Variants in UNC13D observed in about 807,000 individuals in gnomAD.
UNC13D encodes the protein protein unc-13 homolog D.
UNC13D carries 115 observed loss-of-function variants against 151.7 expected under a neutral mutation model. The ratio of observed to expected loss-of-function variants is 0.76; its 90% CI spans 0.65 to 0.88. UNC13D has a LOEUF of 0.88. Ranked by LOEUF, UNC13D falls within the 40% of genes least tolerant of loss-of-function variation. The probability of loss-of-function intolerance (pLI) is 0.00; values close to 1 mark genes in which losing one functional copy is unlikely to be tolerated. For synonymous variants in UNC13D, 588 were observed against 612.2 expected (o/e 0.96, Z 0.58); for missense variants, 1,369 against 1,438.7 (o/e 0.95, Z 0.78).
At position 75,837,658 on chromosome 17, in the gene UNC13D, A is replaced by G. The variant is rs193065105; in HGVS notation, c.1056-740T>C. ...AGTCCCAGCTACTTGGGAGGCTGAG[A>G]CAAGAGAATCACTTGAACCTGGGAG... On this transcript the variant is annotated intron_variant, in intron 12 of 31. Transcript: ENST00000207549. Among the ~76,000 whole-genome samples, 26 of 151,432 alleles carry G rather than the reference A, an allele frequency of 1.7e-4. No homozygotes were observed. In the East Asian group the frequency reaches 2.4e-3, roughly 14 times the overall value.
At chr17:75,836,727 A>C (rs201038617) in intron 13 of UNC13D, 31 bp from the exon 14 acceptor site, 1 of 1,613,464 alleles carries the variant, frequency 6.2e-7, no homozygotes, top group Non-Finnish European at 8.5e-7. Flanking sequence ...TTAGGGGCCT[A>C]GACAGCTGCT....
rs1599409632 is a variant in UNC13D, at chr17:75,836,897, G to A, written c.1077C>T (p.Arg359=). 9 of 1,613,060 alleles carry A rather than the reference G, an allele frequency of 5.6e-6. No individual in the cohort carries two copies. Among genetic ancestry groups the A allele is most frequent in the Non-Finnish European group, 6.8e-6 (8 of 1,180,020 alleles). ...QSMAQWLAYS[R]LYQSLEFPSS... is the part of the protein sequence containing the mutation. ...TGGGGAACTCCAGGCTCTGGTAGAG[G>A]CGGCTGTAGGCCAGCCACTGCCTGC... Residue 359 remains arginine, a synonymous_variant, in exon 13 of 32, where the codon CGC becomes CGT. Transcript: ENST00000207549.
intron 27 of UNC13D, 118 bp downstream of exon 27, chr17:75,830,980 C>T: frequency 4.1e-6 from 5 of 1,230,758 alleles, no homozygotes; most frequent in Admixed American, 2.4e-5. Context: ...GAATAAGGGG[C>T]CCAGTTTTTC....
At position 75,840,091 on chromosome 17, in the gene UNC13D, C is replaced by T. The variant is rs753758946; in HGVS notation, c.878G>A (p.Arg293His). 19 of 1,612,906 alleles carry T rather than the reference C, an allele frequency of 1.2e-5. No homozygotes were observed. Among genetic ancestry groups the T allele is most frequent in the East Asian group, 2.2e-5 (1 of 44,846 alleles). The change falls in exon 11 of 32, where the codon CGC becomes CAC. Residue 293 changes from arginine (R) to histidine (H), a missense_variant. Arg to His is a conservative substitution (Grantham distance 29). This residue lies in a region of UNC13D where 550 missense variants were observed against 609.0 expected (regional missense o/e 0.90). Coordinates refer to ENST00000207549, the MANE Select transcript of UNC13D (RefSeq NM_199242.3). The surrounding 1 kb of genome is among the most constrained non-coding windows in gnomAD (Gnocchi z 4.6). ...IHKRRATSASRSQPSYTVHLH... is the reference protein window; with the variant it reads ...IHKRRATSASHSQPSYTVHLH... ...GTGCACGGTGTAGCTCGGCTGCGAG[C>T]GGCTGGCCGAAGTGGCTCTCTGCAA...
chr17:75,843,419 C>T lies in UNC13D; in HGVS notation c.153+65G>A, dbSNP rs912043527. Reference sequence around the variant, plus strand: ...GCAAGTTGCTTGCTGCCATCAGCGTCGGCCGGCAGGAGGACACACAGCCGC... The same window carrying T: ...GCAAGTTGCTTGCTGCCATCAGCGTTGGCCGGCAGGAGGACACACAGCCGC... On this transcript the variant is annotated intron_variant, in intron 2 of 31. Transcript: ENST00000207549. 9 of 1,578,728 alleles carry T rather than the reference C, an allele frequency of 5.7e-6. No individual in the cohort carries two copies. The South Asian group carries it at 8.0e-5, about 14-fold the overall frequency.
chr17:75,843,136 G>A lies in UNC13D; in HGVS notation c.261+23C>T, dbSNP rs772698740. 13 of 1,609,626 alleles carry A rather than the reference G, an allele frequency of 8.1e-6. No homozygotes were observed. The East Asian group carries it at 2.0e-4, about 25-fold the overall frequency. Reference sequence around the variant, plus strand: ...CAGACAGGGCAGCTGCAGGAAGGGGGGTGGGGTGGGAGCCGGGCTCACCTC... The same window carrying A: ...CAGACAGGGCAGCTGCAGGAAGGGGAGTGGGGTGGGAGCCGGGCTCACCTC... On this transcript the variant is annotated intron_variant, in intron 3 of 31. Coordinates refer to ENST00000207549, the MANE Select transcript of UNC13D (RefSeq NM_199242.3).
chr17:75,843,424 G>A (rs556104118), intron 2 of UNC13D, 60 bp downstream of exon 2: 22 of 1,580,474 alleles, frequency 1.4e-5, no homozygotes, highest in Admixed American at 3.7e-5. Flanking sequence ...AGCGTCGGCC[G>A]GCAGGAGGAC....
At chr17:75,830,913 G>A (rs1011481894) in intron 27 of UNC13D, among the ~76,000 whole-genome samples, 185 bp downstream of exon 27, 1 of 152,204 alleles carries the variant, frequency 6.6e-6, no homozygotes, top group Non-Finnish European at 1.5e-5. Flanking sequence ...TGCTTAGGAG[G>A]ACCCAGGCTT....
In UNC13D at chr17:75,840,616, G is replaced by T; in HGVS notation, c.684-40C>A. The T allele has an allele frequency of 6.2e-7, 1 of 1,613,638 alleles. No homozygotes were observed. Reference sequence around the variant, plus strand: ...GTCCCATAAGGGGGACGCAGCAAGGGTCGGAAGGGATTAGGCTGGAATCCA... The same window carrying T: ...GTCCCATAAGGGGGACGCAGCAAGGTTCGGAAGGGATTAGGCTGGAATCCA... On this transcript the variant is annotated intron_variant, in intron 8 of 31. Coordinates refer to ENST00000207549, the MANE Select transcript of UNC13D (RefSeq NM_199242.3). The surrounding 1 kb of genome is among the most constrained non-coding windows in gnomAD (Gnocchi z 4.6).
chr17:75,843,133 G>T (rs3744008), intron 3 of UNC13D, 26 bp downstream of exon 3: 37 of 1,610,126 alleles, frequency 2.3e-5, no homozygotes, highest in East Asian at 8.9e-5. Flanking sequence ...CTGCAGGAAG[G>T]GGGGTGGGGT....
rs778475332 is a variant in UNC13D at position 75,836,969 on chromosome 17, C to T, written c.1056-51G>A. On this transcript the variant is annotated intron_variant, in intron 12 of 31. Coordinates refer to ENST00000207549, the MANE Select transcript of UNC13D (RefSeq NM_199242.3). ...TGGACAGGGAGGAGGAAATTGCCTT[C>T]CCCTGTTCACCCGGCCTCAGGTGGG... 7 of 1,415,894 alleles carry T rather than the reference C, an allele frequency of 4.9e-6. No homozygotes were observed. The South Asian group carries it at 7.0e-5, about 14-fold the overall frequency. The allele number at this position is 1,415,894 out of a possible 1,614,324, so 87.7% of individuals were successfully genotyped here.
rs149195431 is a variant in UNC13D at position 75,844,291 on chromosome 17, C to T, written c.47G>A (p.Arg16His). The T allele has an allele frequency of 1.4e-5, 22 of 1,612,656 alleles. No homozygotes were observed. The highest frequency in any genetic ancestry group is 8.0e-5 in the African/African-American group (6 of 74,924). The change falls in exon 1 of 32, where the codon CGC (arginine) becomes CAC (histidine). Residue 16 changes from arginine to histidine, a missense_variant. Physicochemically the swap from Arg to His is conservative, Grantham distance 29. Transcript: ENST00000207549. The stretch of plus-strand genomic sequence containing the variant: ...GCGGCGCCTTATCTTGATGGCCTGG[C>T]GCAAGAAGGGAGGGCGCTGCTGCGG... Reference protein sequence around the residue: ...SHPQQRPPFLRQAIKIRRRRV... With the variant: ...SHPQQRPPFLHQAIKIRRRRV...
chr17:75,828,494 G>A (rs967443822), intron 31 of UNC13D, among the ~76,000 whole-genome samples: 1 of 152,246 alleles, frequency 6.6e-6, no homozygotes, highest in Non-Finnish European at 1.5e-5. Flanking sequence ...ACAAGCATCA[G>A]ACCGTTGCTG....
At chr17:75,842,686 G>T in intron 5 of UNC13D, 73 bp from the exon 6 acceptor site, 1 of 1,605,050 alleles carries the variant, frequency 6.2e-7, no homozygotes, top group Admixed American at 1.7e-5. Flanking sequence ...CATCACCCCC[G>T]CCCGGGGCTG....
rs1239299089 is a variant in UNC13D at position 75,832,594 on chromosome 17, G to C, written c.2447+372C>G. 3 of 193,978 alleles carry C rather than the reference G, an allele frequency of 1.5e-5. No individual in the cohort carries two copies. Among genetic ancestry groups the C allele is most frequent in the Admixed American group, 1.1e-4 (2 of 18,854 alleles). 12.0% of individuals were successfully genotyped at this position (193,978 alleles called of 1,614,324 possible). A position where few individuals can be genotyped will look rare whatever the true frequency, so the allele number is the denominator to read the frequency against. On this transcript the variant is annotated intron_variant, in intron 25 of 31. Transcript: ENST00000207549. The surrounding 1 kb of genome is among the most constrained non-coding windows in gnomAD (Gnocchi z 4.3). ...GAGGAGCAGGCAGGGAGGCCCTGAA[G>C]ACAGGCCTGGGACTAAAGGAGAAAG...
Position 75,843,246 on chromosome 17 carries a change from G to A in UNC13D, c.174C>T (p.Asp58=), listed in dbSNP as rs376869845. ...GGCGGTGCAAGACAGTGTAGAGTGC[G>A]TCCTCGTAGAGCAGGGCCCGCTAAG... ...SPEQRALLYE[D]ALYTVLHRLG... is the part of the protein sequence containing the mutation. The change falls in exon 3 of 32, where the codon GAC becomes GAT. Residue 58 remains aspartate, a synonymous_variant. Coordinates refer to ENST00000207549, the MANE Select transcript of UNC13D (RefSeq NM_199242.3). 29 of 1,609,012 alleles carry A rather than the reference G, an allele frequency of 1.8e-5. No individual in the cohort carries two copies. In the African/African-American group the frequency reaches 2.1e-4, roughly 12 times the overall value.
At chr17:75,839,329 A>G (rs965705145) in intron 12 of UNC13D, among the ~76,000 whole-genome samples, 2 of 151,570 alleles carry the variant, frequency 1.3e-5, no homozygotes, top group Non-Finnish European at 2.9e-5. Context: ...TTGAACCTGG[A>G]AGGCAGAGGT....
chr17:75,831,641 G>C, intron 25 of UNC13D: 1 of 481,458 alleles, frequency 2.1e-6, no homozygotes, highest in South Asian at 2.4e-5. Context: ...CAGGGAGGAG[G>C]CCAGGCCCCC....
At chr17:75,835,104 C>T in intron 20 of UNC13D, 41 bp from the exon 21 acceptor site, 2 of 1,611,432 alleles carry the variant, frequency 1.2e-6, no homozygotes, top group Non-Finnish European at 1.7e-6. Context: ...GCCAAATCCA[C>T]CCCCTTCCCT....
Sources: allele counts gnomAD v4.1 joint callset (sites outside exome capture counted in the v4.1 genomes callset), GRCh38; gene constraint gnomAD v4.1.1; regional missense constraint gnomAD v4.1.1; non-coding constraint Gnocchi (gnomAD v3.1); transcripts MANE v1.5; gene names NCBI Gene and HGNC (gene_info 2026-07-23, HGNC 2026-07-21).